KNDC1: variants seen among roughly 807,000 people sequenced by gnomAD.
The protein encoded by KNDC1 is kinase non-catalytic C-lobe domain containing 1.
A neutral mutation model predicts 172.8 loss-of-function variants in KNDC1; 106 were observed. The observed-to-expected ratio is 0.61, with a 90% confidence interval of 0.52 to 0.72. KNDC1 has a LOEUF of 0.72. Among genes scored for constraint, KNDC1 ranks in the 30% least tolerant of loss-of-function variants. The pLI is 0.00. For synonymous variants in KNDC1, 1,083 were observed against 1,062.2 expected, an observed-to-expected ratio of 1.02 and a Z score of -0.38; for missense variants, 2,325 against 2,394.5, an observed-to-expected ratio of 0.97 and a Z score of 0.61.
chr10:133,184,388 ACACACACG>A (rs67478129), intron 5 of KNDC1, among the ~76,000 whole-genome samples: 44,410 of 147,016 alleles, frequency 0.3, 6,871 homozygotes, highest in Middle Eastern at 0.35. Context: ...CATGCTGCGC[ACACACACG>A]CACACACGCA....
chr10:133,160,534 G>A lies in KNDC1; in HGVS notation c.67G>A (p.Asp23Asn), dbSNP rs755021696. The A allele has an allele frequency of 1.1e-4, 175 of 1,586,230 alleles. 1 individual carries two copies. Among genetic ancestry groups the A allele is most frequent in the Non-Finnish European group, 1.5e-4 (175 of 1,168,396 alleles). Residue 23 changes from aspartate to asparagine, a missense_variant, in exon 1 of 30, where the codon GAC (aspartate) becomes AAC (asparagine). Physicochemically the swap from Asp to Asn is conservative, Grantham distance 23 (BLOSUM62 1). Transcript: ENST00000304613. ...GGACGGCAAAGACCTGGACTTCTAC[G>A]ACTTCGAGCCGCTGCCCACCCTCCC... ...EEDGKDLDFY[D>N]FEPLPTLPED...
At position 133,206,583 on chromosome 10, in the gene KNDC1, T is replaced by C. The variant is rs191175895; in HGVS notation, c.3388-102T>C. 6.4e-6 allele frequency: 6 copies of C among 930,404 alleles called. No individual in the cohort carries two copies. In the Admixed American group the frequency reaches 7.5e-5, roughly 12 times the overall value. 57.6% of individuals were successfully genotyped at this position (930,404 alleles called of 1,614,324 possible). ...CCATGGGACCCTGCCCTGCAGCTGATCTCCAAGGCCAAGGAGGCCCCAGTG... is the reference window on the plus strand; with the variant it reads ...CCATGGGACCCTGCCCTGCAGCTGACCTCCAAGGCCAAGGAGGCCCCAGTG... On this transcript the variant is annotated intron_variant, in intron 17 of 29. Coordinates refer to ENST00000304613, the MANE Select transcript of KNDC1 (RefSeq NM_152643.8).
In KNDC1 at chr10:133,207,266, G is replaced by T; in HGVS notation, c.3709G>T (p.Val1237Phe). The change falls in exon 20 of 30, where the codon GTC becomes TTC. Residue 1237 changes from valine to phenylalanine, a missense_variant. Transcript: ENST00000304613. ...GTCCTCCTCGCTCATCTTCTACAAC[G>T]TCAACAAGCACCCGGGCGGCCGGCA... ...DESSSLIFYN[V>F]NKHPGGRQKA... The T allele has an allele frequency of 6.2e-7, 1 of 1,613,096 alleles. No homozygotes were observed. The highest frequency in any genetic ancestry group is 8.5e-7 in the Non-Finnish European group (1 of 1,179,980).
At chr10:133,219,815 A>T in intron 28 of KNDC1, 140 bp from the exon 29 acceptor site, 2 of 805,544 alleles carry the variant, frequency 2.5e-6, no homozygotes, top group Non-Finnish European at 1.9e-6. Flanking sequence ...ACTGGAAGCT[A>T]ATTCAGAGAG....
chr10:133,207,280 G>T lies in KNDC1; in HGVS notation c.3723G>T (p.Pro1241=), dbSNP rs139045759. 9.9e-6 allele frequency: 16 copies of T among 1,613,032 alleles called. No homozygotes were observed. In the South Asian group the frequency reaches 1.5e-4, roughly 15 times the overall value. The part of the protein sequence containing the change: ...SLIFYNVNKH[P]GGRQKARILQ... The stretch of plus-strand genomic sequence containing the variant: ...TCTTCTACAACGTCAACAAGCACCC[G>T]GGCGGCCGGCAGAAGGCCCGCATCC... The change falls in exon 20 of 30, where the codon CCG becomes CCT. Residue 1241 remains proline (P), a synonymous_variant. Coordinates refer to ENST00000304613, the MANE Select transcript of KNDC1 (RefSeq NM_152643.8).
intron 3 of KNDC1, 88 bp downstream of exon 3, chr10:133,168,400 G>T: frequency 7.4e-7 from 1 of 1,352,500 alleles, no homozygotes; most frequent in Non-Finnish European, 1.1e-6. Context: ...CCTGCCTTGG[G>T]GCGACCTCTG....
chr10:133,181,833 TCCACACACACACACAC>T (rs1853725842), intron 3 of KNDC1, among the ~76,000 whole-genome samples: 1 of 124,094 alleles, frequency 8.1e-6, no homozygotes, highest in Non-Finnish European at 1.6e-5. Context: ...CCCAGGACCG[TCCACACACACACACAC>T]ACACACACAC....
chr10:133,183,530 T>C, intron 4 of KNDC1, 40 bp downstream of exon 4: 1 of 1,565,842 alleles, frequency 6.4e-7, no homozygotes, highest in Non-Finnish European at 8.6e-7. Flanking sequence ...GCTGTGACCC[T>C]GACCCCACAG....
In KNDC1 at chr10:133,207,315, G is replaced by C. The variant is rs1845228259; in HGVS notation, c.3758G>C (p.Gly1253Ala). The change falls in exon 20 of 30, where the codon GGC becomes GCC. Residue 1253 changes from glycine (G) to alanine (A), a missense_variant. Physicochemically the swap from Gly to Ala is moderately conservative, Grantham distance 60 (BLOSUM62 0). Coordinates refer to ENST00000304613, the MANE Select transcript of KNDC1 (RefSeq NM_152643.8). ...CAGAAGGCCCGCATCCTGCAGGCCG[G>C]CACGCCGCTGGGGCTCATGGCCTAC... ...GRQKARILQA[G>A]TPLGLMAYLY... 6.2e-6 allele frequency: 10 copies of C among 1,612,810 alleles called. No homozygotes were observed. Among genetic ancestry groups the C allele is most frequent in the Middle Eastern group, 1.7e-4 (1 of 6,054 alleles).
chr10:133,162,659 C>A (rs541870678), intron 1 of KNDC1, among the ~76,000 whole-genome samples: 39 of 152,384 alleles, frequency 2.6e-4, no homozygotes, highest in African/African-American at 8.9e-4. Context: ...CCCACGAATG[C>A]CTTCCCAAGA....
intron 28 of KNDC1, 114 bp from the exon 29 acceptor site, chr10:133,219,841 G>A (rs1845545284): frequency 9.7e-7 from 1 of 1,026,154 alleles, no homozygotes; most frequent in Admixed American, 2.9e-5. Context: ...TAGACCCCGT[G>A]CGTGGAGAAC....
chr10:133,213,733 C>T lies in KNDC1; in HGVS notation c.4526+6C>T, dbSNP rs768958981. The T allele has an allele frequency of 1.5e-5, 25 of 1,612,960 alleles. No homozygotes were observed. The highest frequency in any genetic ancestry group is 2.0e-5 in the Non-Finnish European group (24 of 1,179,074). On this transcript the variant is annotated splice_donor_region_variant and intron_variant, in intron 25 of 29. Transcript: ENST00000304613. Reference sequence around the variant, plus strand: ...AAGAGCACTGCCATCCCCAAGTGAGCGTCCGGGACCCTCAGCTGGGAGCGG... The same window carrying T: ...AAGAGCACTGCCATCCCCAAGTGAGTGTCCGGGACCCTCAGCTGGGAGCGG...
Position 133,163,583 on chromosome 10 carries a change from G to A in KNDC1, c.102+3014G>A, listed in dbSNP as rs929001763. The stretch of plus-strand genomic sequence containing the variant: ...GCCAGTGCTCCCAGCTGTGATTGGA[G>A]TTTTGTATTAGTCCTGTTAGAATCC... On this transcript the variant is annotated intron_variant, in intron 1 of 29. Coordinates refer to ENST00000304613, the MANE Select transcript of KNDC1 (RefSeq NM_152643.8). This position sits in a 1 kb window ranked among gnomAD's most constrained non-coding sequence, Gnocchi z 4.4. Among the ~76,000 whole-genome samples, 105 of 152,116 alleles carry A rather than the reference G, an allele frequency of 6.9e-4. No homozygotes were observed. The highest frequency in any genetic ancestry group is 6.2e-4 in the Non-Finnish European group (42 of 68,020).
rs1277468361 is a variant in KNDC1, at chr10:133,203,606, C to T, written c.3387+1708C>T. ...TGCCGGCCGTGTGTGCTGGGCTCAG[C>T]ACTGCGGGTGCCCTGGGGCTGTGGA... On this transcript the variant is annotated intron_variant, in intron 17 of 29. Coordinates refer to ENST00000304613, the MANE Select transcript of KNDC1 (RefSeq NM_152643.8). Among the ~76,000 whole-genome samples the T allele has an allele frequency of 2.6e-5, 4 of 152,310 alleles. No homozygotes were observed. The South Asian group carries it at 6.2e-4, about 24-fold the overall frequency.
At chr10:133,187,625 A>G (rs1045014711) in intron 6 of KNDC1, among the ~76,000 whole-genome samples, 2 of 152,104 alleles carry the variant, frequency 1.3e-5, no homozygotes, top group Non-Finnish European at 2.9e-5. Context: ...TACCTTCCCG[A>G]AGGGCACACG....
chr10:133,218,914 C>A lies in KNDC1; in HGVS notation c.4761C>A (p.Ile1587=). Residue 1587 remains isoleucine, a synonymous_variant, in exon 27 of 30, where the codon ATC becomes ATA. Coordinates refer to ENST00000304613, the MANE Select transcript of KNDC1 (RefSeq NM_152643.8). The part of the protein sequence containing the change: ...EQRNFATAMQ[I]LSGLEHLAVR... ...GAAACTTCGCGACAGCCATGCAGAT[C>A]CTGAGCGGGCTGGAGCACCTGGCCG... is the stretch of plus-strand genomic sequence containing the variant. The A allele has an allele frequency of 6.2e-7, 1 of 1,613,886 alleles. No individual in the cohort carries two copies. The highest frequency in any genetic ancestry group is 8.5e-7 in the Non-Finnish European group (1 of 1,179,920).
At chr10:133,211,908 C>T in intron 23 of KNDC1, 50 bp downstream of exon 23, 1 of 1,547,810 alleles carries the variant, frequency 6.5e-7, no homozygotes, top group Non-Finnish European at 8.6e-7. Context: ...GGATGTGGGT[C>T]CCTGAGCCCA....
chr10:133,198,466 C>G lies in KNDC1; in HGVS notation c.2036C>G (p.Pro679Arg). 6.2e-7 allele frequency: 1 copy of G among 1,607,146 alleles called. No homozygotes were observed. Among genetic ancestry groups the G allele is most frequent in the Non-Finnish European group, 8.5e-7 (1 of 1,177,144 alleles). ...ACCTCCGAGGCCACGCACTTCAAGC[C>G]CATTGTCCTCGCGCAGAACGCAAGT... ...AFTSEATHFKPIVLAQNASVA... is the reference protein window; with the variant it reads ...AFTSEATHFKRIVLAQNASVA... The change falls in exon 13 of 30, where the codon CCC becomes CGC. Residue 679 changes from proline to arginine, a missense_variant. Physicochemically the swap from Pro to Arg is moderately radical, Grantham distance 103. Coordinates refer to ENST00000304613, the MANE Select transcript of KNDC1 (RefSeq NM_152643.8).
chr10:133,166,537 GTGTA>G (rs1314067296), intron 1 of KNDC1, among the ~76,000 whole-genome samples: 2 of 152,194 alleles, frequency 1.3e-5, no homozygotes, highest in Admixed American at 1.3e-4. Context: ...AGGTGTGTGT[GTGTA>G]TGAGGATGTC....
Sources: gnomAD v4.1 joint callset for allele counts (sites outside exome capture counted in the v4.1 genomes callset) on GRCh38, gnomAD v4.1.1 for gene constraint, Gnocchi (gnomAD v3.1) non-coding constraint, MANE v1.5 for transcripts, NCBI Gene and HGNC (gene_info 2026-07-23, HGNC 2026-07-21) for gene names.